Variants in TTC7B observed in about 807,000 individuals in gnomAD.
The protein encoded by TTC7B is tetratricopeptide repeat protein 7B.
In TTC7B, 28 loss-of-function variants were observed where a neutral mutation model predicts 106.8. The ratio of observed to expected loss-of-function variants is 0.26; its 90% CI spans 0.19 to 0.36. TTC7B has a LOEUF of 0.36. Ranked by LOEUF, TTC7B falls within the 10% of genes least tolerant of loss-of-function variation. The probability of loss-of-function intolerance (pLI) is 1.00; values close to 1 mark genes in which losing one functional copy is unlikely to be tolerated. For missense variants in TTC7B, 862 were observed against 1,076.4 expected (o/e 0.80, Z 2.79); for synonymous variants, 405 against 430.6 (o/e 0.94, Z 0.74).
chr14:90,552,773 C>T (rs916989305), intron 19 of TTC7B, among the ~76,000 whole-genome samples: 66 of 152,180 alleles, frequency 4.3e-4, no homozygotes, highest in African/African-American at 1.3e-3. Flanking sequence ...GCCCCCAGGC[C>T]GGACACCTTT....
chr14:90,776,945 C>A (rs185355780), intron 3 of TTC7B, among the ~76,000 whole-genome samples: 4 of 152,284 alleles, frequency 2.6e-5, no homozygotes, highest in East Asian at 3.9e-4. Context: ...GTGGCAAAGA[C>A]TGAATGAAGG....
At chr14:90,724,169 C>A (rs1048891959) in intron 5 of TTC7B, among the ~76,000 whole-genome samples, 1 of 152,186 alleles carries the variant, frequency 6.6e-6, no homozygotes, top group Non-Finnish European at 1.5e-5. Context: ...AATCACATGG[C>A]CCTTCCAGCA....
At chr14:90,670,469 G>A (rs569756980) in intron 9 of TTC7B, among the ~76,000 whole-genome samples, 8 of 151,966 alleles carry the variant, frequency 5.3e-5, no homozygotes, top group Non-Finnish European at 1.2e-4. Context: ...TAAATGCAAC[G>A]GAATTTTACA....
intron 5 of TTC7B, among the ~76,000 whole-genome samples, chr14:90,705,846 T>A (rs1484503397): frequency 6.6e-6 from 1 of 152,174 alleles, no homozygotes; most frequent in African/African-American, 2.4e-5. Context: ...CACTACCTCT[T>A]TTTCTTACAA....
chr14:90,730,748 T>C (rs1650844579), intron 4 of TTC7B, among the ~76,000 whole-genome samples: 1 of 152,192 alleles, frequency 6.6e-6, no homozygotes, highest in Non-Finnish European at 1.5e-5. Flanking sequence ...CCTGGTGAGG[T>C]TGGGCTGCGT....
At chr14:90,667,128 C>T (rs1369622517) in intron 9 of TTC7B, among the ~76,000 whole-genome samples, 2 of 152,210 alleles carry the variant, frequency 1.3e-5, no homozygotes, top group Non-Finnish European at 1.5e-5. Context: ...ACCATGGCTG[C>T]CACTTAGCCC....
rs983018374 is a variant in TTC7B at position 90,652,171 on chromosome 14, G to A, written c.1517+670C>T. Among the ~76,000 whole-genome samples the A allele has an allele frequency of 1.3e-5, 2 of 152,184 alleles. 1 individual carries two copies. Among genetic ancestry groups the A allele is most frequent in the African/African-American group, 4.8e-5 (2 of 41,444 alleles). ...GACTTCAACAGCTGCGGGACCGGCAGCTCCTGTAACTCCTGCGCCTCAGTC... is the reference window on the plus strand; with the variant it reads ...GACTTCAACAGCTGCGGGACCGGCAACTCCTGTAACTCCTGCGCCTCAGTC... On this transcript the variant is annotated intron_variant, in intron 13 of 19. Coordinates refer to ENST00000328459, the MANE Select transcript of TTC7B (RefSeq NM_001010854.2).
intron 19 of TTC7B, among the ~76,000 whole-genome samples, chr14:90,547,091 C>T (rs956716815): frequency 2.6e-5 from 4 of 152,154 alleles, no homozygotes; most frequent in South Asian, 2.1e-4. Flanking sequence ...GGTTGGGAGC[C>T]GGCTGGGGCT....
intron 5 of TTC7B, among the ~76,000 whole-genome samples, chr14:90,701,630 T>C (rs1887988070): frequency 6.6e-6 from 1 of 151,722 alleles, no homozygotes; most frequent in South Asian, 2.1e-4. Flanking sequence ...CCATCTCACA[T>C]CCTTCCTTTC....
chr14:90,560,239 C>T (rs779462279), intron 19 of TTC7B, among the ~76,000 whole-genome samples: 9 of 152,234 alleles, frequency 5.9e-5, no homozygotes, highest in South Asian at 2.1e-4. Context: ...TGCCAATTTC[C>T]GTGGTATAAA....
In TTC7B at chr14:90,652,821, A is replaced by G. The variant is rs1220460154; in HGVS notation, c.1517+20T>C. 4 of 1,613,614 alleles carry G rather than the reference A, an allele frequency of 2.5e-6. No individual in the cohort carries two copies. The highest frequency in any genetic ancestry group is 3.4e-6 in the Non-Finnish European group (4 of 1,179,494). On this transcript the variant is annotated intron_variant, in intron 13 of 19. Transcript: ENST00000328459. ...GGTGTCATTATGTACAGCCGAGTGA[A>G]AAGATGAACTCCCACTCACCTCTGA...
intron 15 of TTC7B, among the ~76,000 whole-genome samples, chr14:90,623,564 T>A (rs1483689874): frequency 6.6e-6 from 1 of 152,166 alleles, no homozygotes; most frequent in Admixed American, 6.5e-5. Flanking sequence ...TACAAAAAAT[T>A]TACAATCCAA....
At chr14:90,776,113 T>C (rs1352544918) in intron 3 of TTC7B, among the ~76,000 whole-genome samples, 1 of 147,252 alleles carries the variant, frequency 6.8e-6, no homozygotes, top group Non-Finnish European at 1.5e-5. Flanking sequence ...TAGTCAGGCA[T>C]GAGCAGGGCA....
chr14:90,681,306 G>T (rs1486292528), intron 7 of TTC7B, among the ~76,000 whole-genome samples: 1 of 151,770 alleles, frequency 6.6e-6, no homozygotes, highest in Non-Finnish European at 1.5e-5. Context: ...TCACCAATTG[G>T]GTCAAACTCA....
intron 4 of TTC7B, among the ~76,000 whole-genome samples, chr14:90,741,487 C>T (rs897098897): frequency 6.6e-6 from 1 of 152,178 alleles, no homozygotes; most frequent in Non-Finnish European, 1.5e-5. Flanking sequence ...GAGAGGCCAC[C>T]TCTGCCCAGC....
At chr14:90,658,451 G>A (rs1886044034) in intron 9 of TTC7B, 64 bp from the exon 10 acceptor site, 6 of 1,469,178 alleles carry the variant, frequency 4.1e-6, no homozygotes, top group East Asian at 2.3e-5. Flanking sequence ...CTGCACAAGT[G>A]TGAGTTTGTA....
At chr14:90,779,872 TC>T (rs1479062693) in intron 3 of TTC7B, among the ~76,000 whole-genome samples, 1 of 152,226 alleles carries the variant, frequency 6.6e-6, no homozygotes, top group Non-Finnish European at 1.5e-5. Context: ...GTTCTTCTTG[TC>T]CCTGAATAGG....
In TTC7B at chr14:90,759,755, G is replaced by GT; in HGVS notation, c.446-14834dup. ...AGTGGATCTCAGAATATACTGAGAAGTTTGCCCTTTTGCTTAGGCACCTTG... is the reference window on the plus strand; with the variant it reads ...AGTGGATCTCAGAATATACTGAGAAGTTTTGCCCTTTTGCTTAGGCACCTTG... On this transcript the variant is annotated intron_variant, in intron 3 of 19. Coordinates refer to ENST00000328459, the MANE Select transcript of TTC7B (RefSeq NM_001010854.2). The surrounding 1 kb of genome is among the most constrained non-coding windows in gnomAD (Gnocchi z 4.1). Among the ~76,000 whole-genome samples, 1 of 152,284 alleles carries GT rather than the reference G, an allele frequency of 6.6e-6. No individual in the cohort carries two copies. Among genetic ancestry groups the GT allele is most frequent in the South Asian group, 2.1e-4 (1 of 4,822 alleles).
intron 2 of TTC7B, among the ~76,000 whole-genome samples, chr14:90,782,302 G>GA (rs901467598): frequency 6.6e-6 from 1 of 152,032 alleles, no homozygotes; most frequent in African/African-American, 2.4e-5. Flanking sequence ...TCAGAAAAGA[G>GA]AAAAAAAGCA....
Sources: allele counts gnomAD v4.1 joint callset (sites outside exome capture counted in the v4.1 genomes callset), GRCh38; gene constraint gnomAD v4.1.1; non-coding constraint Gnocchi (gnomAD v3.1); transcripts MANE v1.5; gene names NCBI Gene and HGNC (gene_info 2026-07-23, HGNC 2026-07-21).